BAZ1B: variants seen among roughly 807,000 people sequenced by gnomAD.
The protein encoded by BAZ1B is bromodomain adjacent to zinc finger domain 1B.
BAZ1B carries 22 observed loss-of-function variants against 153.8 expected under a neutral mutation model. The ratio of observed to expected loss-of-function variants is 0.14; its 90% confidence interval spans 0.10 to 0.20. The LOEUF is 0.20. Ranked by LOEUF, BAZ1B falls within the 10% of genes least tolerant of loss-of-function variation. The probability of loss-of-function intolerance (pLI) is 1.00; values close to 1 mark genes in which losing one functional copy is unlikely to be tolerated. For synonymous variants in BAZ1B, 676 were observed against 633.4 expected (o/e 1.07, Z -1.01); for missense variants, 1,325 against 1,799.3 (o/e 0.74, Z 4.77).
At position 73,510,545 on chromosome 7, in the gene BAZ1B, A is replaced by G. The variant is rs141714936; in HGVS notation, c.224+191T>C. 3.1e-3 allele frequency among the ~76,000 whole-genome samples: 473 copies of G among 152,338 alleles called. 1 individual carries two copies. The highest frequency in any genetic ancestry group is 0.01 in the African/African-American group (416 of 41,590). Reference sequence around the variant, plus strand: ...CCTAAACAAGTGCACCTATAACTAAATAAATATTCCATATTGCTACTGCAA... The same window carrying G: ...CCTAAACAAGTGCACCTATAACTAAGTAAATATTCCATATTGCTACTGCAA... On this transcript the variant is annotated intron_variant, in intron 2 of 19. Transcript: ENST00000339594.
intron 5 of BAZ1B, among the ~76,000 whole-genome samples, chr7:73,490,071 C>A (rs1554575272): frequency 6.6e-6 from 1 of 152,106 alleles, no homozygotes; most frequent in African/African-American, 2.4e-5. Context: ...CACTGCAGTC[C>A]TATGAAAAAA....
At chr7:73,507,251 G>A (rs1563400374) in intron 3 of BAZ1B, 2 of 152,188 alleles carry the variant, frequency 1.3e-5, no homozygotes, top group South Asian at 2.1e-4. Flanking sequence ...GAATAATATG[G>A]AGAAGATTAG....
At chr7:73,466,188 T>A in intron 10 of BAZ1B, 108 bp downstream of exon 10, 1 of 758,608 alleles carries the variant, frequency 1.3e-6, no homozygotes, top group Non-Finnish European at 2.1e-6. Context: ...TCACACAAAG[T>A]ATCCTGCGCA....
At chr7:73,508,739 C>T (rs1790450197) in intron 2 of BAZ1B, among the ~76,000 whole-genome samples, 1 of 152,142 alleles carries the variant, frequency 6.6e-6, no homozygotes, top group East Asian at 1.9e-4. Context: ...TTGGGCAGGG[C>T]GCGGTGGCTC....
chr7:73,443,732 T>C (rs1484493978), intron 17 of BAZ1B, among the ~76,000 whole-genome samples: 1 of 152,104 alleles, frequency 6.6e-6, no homozygotes, highest in Non-Finnish European at 1.5e-5. Flanking sequence ...TTTAAATCCT[T>C]AATAAGTTGC....
At chr7:73,481,890 T>A (rs1451597253) in intron 6 of BAZ1B, among the ~76,000 whole-genome samples, 1 of 151,838 alleles carries the variant, frequency 6.6e-6, no homozygotes, top group African/African-American at 2.4e-5. Flanking sequence ...ACAAAAAAAA[T>A]TAGCCTGGCG....
At chr7:73,443,792 T>C (rs985527863) in intron 17 of BAZ1B, among the ~76,000 whole-genome samples, 192 bp downstream of exon 17, 1 of 152,142 alleles carries the variant, frequency 6.6e-6, no homozygotes, top group Admixed American at 6.5e-5. Flanking sequence ...ATGCCGGACA[T>C]AGCTGTTCCT....
intron 2 of BAZ1B, among the ~76,000 whole-genome samples, chr7:73,508,756 G>A (rs1230510570): frequency 6.6e-6 from 1 of 152,194 alleles, no homozygotes; most frequent in Non-Finnish European, 1.5e-5. Flanking sequence ...GCTCACGCCT[G>A]TATTCCCAGC....
intron 19 of BAZ1B, 40 bp downstream of exon 19, chr7:73,442,136 TCCCTC>T: frequency 1.7e-6 from 1 of 573,490 alleles, no homozygotes; most frequent in Non-Finnish European, 3.2e-6. Context: ...CTCGCTCGCC[TCCCTC>T]CCACCCTCCC....
Position 73,498,644 on chromosome 7 carries a change from T to G in BAZ1B, c.424A>C (p.Lys142Gln). Reference protein sequence around the residue: ...VKIVKIHPLEKVDEEATEKKS... With the variant: ...VKIVKIHPLEQVDEEATEKKS... ...TTCTCAGTGGCCTCTTCATCCACTT[T>G]CTCCAAAGGATGAATCTTCACAATC... The change falls in exon 4 of 20, where the codon AAA becomes CAA. Residue 142 changes from lysine (K) to glutamine (Q), a missense_variant. Physicochemically the swap from Lys to Gln is moderately conservative, Grantham distance 53 (BLOSUM62 1). Around this residue, in one of 9 missense-constraint regions of BAZ1B, gnomAD observed 153 missense variants for 204.8 expected, o/e 0.75. Transcript: ENST00000339594. The G allele has an allele frequency of 6.2e-7, 1 of 1,614,126 alleles. No homozygotes were observed. Among genetic ancestry groups the G allele is most frequent in the Non-Finnish European group, 8.5e-7 (1 of 1,180,026 alleles).
intron 17 of BAZ1B, among the ~76,000 whole-genome samples, chr7:73,443,679 G>A (rs1431897591): frequency 6.6e-6 from 1 of 152,156 alleles, no homozygotes; most frequent in Non-Finnish European, 1.5e-5. Flanking sequence ...CCACAATGAA[G>A]ACCCAGCCCC....
intron 6 of BAZ1B, among the ~76,000 whole-genome samples, chr7:73,480,000 T>C (rs1432861502): frequency 1.3e-5 from 2 of 151,878 alleles, no homozygotes; most frequent in East Asian, 3.9e-4. Context: ...AAACCCAGTC[T>C]CTACTAAAAA....
At chr7:73,447,194 G>A in intron 16 of BAZ1B, 70 bp downstream of exon 16, 5 of 1,611,516 alleles carry the variant, frequency 3.1e-6, no homozygotes, top group Non-Finnish European at 4.2e-6. Context: ...CTACTGCCAA[G>A]CCAGCCTTTC....
intron 6 of BAZ1B, among the ~76,000 whole-genome samples, chr7:73,481,711 T>C (rs562317800): frequency 2.1e-4 from 32 of 151,842 alleles, no homozygotes; most frequent in Admixed American, 1.2e-3. Context: ...CTGCAGGTTA[T>C]TGTTCCTCTG....
intron 6 of BAZ1B, among the ~76,000 whole-genome samples, chr7:73,479,165 C>T (rs1554573345): frequency 6.6e-6 from 1 of 151,836 alleles, no homozygotes; most frequent in Non-Finnish European, 1.5e-5. Flanking sequence ...GATAAAGACA[C>T]CTCCTGACCT....
intron 6 of BAZ1B, among the ~76,000 whole-genome samples, chr7:73,481,854 A>G (rs1789214757): frequency 6.6e-6 from 1 of 152,018 alleles, no homozygotes. Context: ...TGGCTAACAC[A>G]GTGAAACACC....
chr7:73,518,093 ATTACT>A (rs1790884146), intron 1 of BAZ1B, among the ~76,000 whole-genome samples: 1 of 152,128 alleles, frequency 6.6e-6, no homozygotes, highest in Admixed American at 6.6e-5. Context: ...GGCATAACGT[ATTACT>A]TTAAAGAATG....
At chr7:73,517,739 G>A (rs1790862143) in intron 1 of BAZ1B, among the ~76,000 whole-genome samples, 2 of 152,120 alleles carry the variant, frequency 1.3e-5, no homozygotes, top group Admixed American at 1.3e-4. Flanking sequence ...TTCTCCAAAG[G>A]TTGTGTAAGC....
intron 13 of BAZ1B, among the ~76,000 whole-genome samples, chr7:73,454,999 G>T (rs1295590082): frequency 3.3e-5 from 5 of 151,896 alleles, no homozygotes; most frequent in African/African-American, 7.3e-5. Flanking sequence ...GGGACTACAG[G>T]CTCGCGCCAC....
Sources: gnomAD v4.1 joint callset for allele counts (sites outside exome capture counted in the v4.1 genomes callset) on GRCh38, gnomAD v4.1.1 for gene constraint, gnomAD v4.1.1 regional missense constraint, MANE v1.5 for transcripts, NCBI Gene and HGNC (gene_info 2026-07-23, HGNC 2026-07-21) for gene names.